SCRIB: variants seen among roughly 807,000 people sequenced by gnomAD.
SCRIB encodes protein scribble homolog.
SCRIB carries 72 observed loss-of-function variants against 170.0 expected under a neutral mutation model. The ratio of observed to expected loss-of-function variants is 0.42; its 90% CI spans 0.35 to 0.52. The LOEUF (loss-of-function observed/expected upper bound fraction) is 0.52. Among genes scored for constraint, SCRIB ranks in the 20% least tolerant of loss-of-function variants. SCRIB has a pLI of 0.02. For synonymous variants in SCRIB, 1,298 were observed against 1,044.3 expected (o/e 1.24, Z -4.68); for missense variants, 2,475 against 2,338.5 (o/e 1.06, Z -1.20).
Position 143,795,323 on chromosome 8 carries a change from A to G in SCRIB, c.3725T>C (p.Leu1242Pro). 1.9e-6 allele frequency: 3 copies of G among 1,612,808 alleles called. No homozygotes were observed. Among genetic ancestry groups the G allele is most frequent in the Non-Finnish European group, 2.5e-6 (3 of 1,179,864 alleles). Residue 1242 changes from leucine to proline, a missense_variant, in exon 26 of 37, where the codon CTG becomes CCG. Leu to Pro is a moderately conservative substitution (Grantham distance 98). Transcript: ENST00000356994. ...SPEGPGKEKE[L>P]PGQTLHWGPE... ...CCCCCAGTGCAGGGTCTGTCCAGGC[A>G]GCTCCTTCTCCTGTGAGCAGAGCAG...
rs776975302 is a variant in SCRIB, at chr8:143,804,140, C to T, written c.3026G>A (p.Arg1009Lys). 1 of 1,610,556 alleles carries T rather than the reference C, an allele frequency of 6.2e-7. No individual in the cohort carries two copies. Among genetic ancestry groups the T allele is most frequent in the African/African-American group, 1.3e-5 (1 of 74,824 alleles). ...PYPVEEIRLP[R>K]AGGPLGLSIV... ...ACTAAGCCCCAGAGGGCCCCCAGCTCTTGGCAGACGGATCTCCTGGGGATT... is the reference window on the plus strand; with the variant it reads ...ACTAAGCCCCAGAGGGCCCCCAGCTTTTGGCAGACGGATCTCCTGGGGATT... The change falls in exon 22 of 37, where the codon AGA becomes AAA. Residue 1009 changes from arginine to lysine, a missense_variant. Arg to Lys is a conservative substitution (Grantham distance 26, BLOSUM62 2). Around this residue, in one of 3 missense-constraint regions of SCRIB, gnomAD observed 1,966 missense variants for 1,742.9 expected, o/e 1.13. Coordinates refer to ENST00000356994, the MANE Select transcript of SCRIB (RefSeq NM_182706.5).
intron 27 of SCRIB, 165 bp from the exon 28 acceptor site, chr8:143,794,127 G>A (rs1814833448): frequency 1.1e-5 from 7 of 629,566 alleles, no homozygotes; most frequent in African/African-American, 1.8e-5. Context: ...GCACGGAGGG[G>A]CTCGTCCCCG....
intron 1 of SCRIB, among the ~76,000 whole-genome samples, chr8:143,814,448 C>T (rs754862223): frequency 1.1e-4 from 17 of 152,166 alleles, no homozygotes; most frequent in Non-Finnish European, 1.8e-4. Flanking sequence ...TGCCACCCTC[C>T]AGGGGCCCAC....
rs1563798204 is a variant in SCRIB, at chr8:143,804,673, A to G, written c.2904T>C (p.Ala968=). ...PLPHSSPPTA[A]VATTSITTAT... ...CAGTGGTTATGCTGGTGGTGGCAACAGCAGCGGTGGGGGGTGAGGAATGTG... is the reference window on the plus strand; with the variant it reads ...CAGTGGTTATGCTGGTGGTGGCAACGGCAGCGGTGGGGGGTGAGGAATGTG... Residue 968 remains alanine, a synonymous_variant, in exon 21 of 37, where the codon GCT becomes GCC. Transcript: ENST00000356994. 1.3e-6 allele frequency: 2 copies of G among 1,553,716 alleles called. No individual in the cohort carries two copies. The highest frequency in any genetic ancestry group is 1.2e-5 in the South Asian group (1 of 81,998).
chr8:143,806,366 G>A (rs1554636548), intron 18 of SCRIB, 41 bp downstream of exon 18: 9 of 1,495,396 alleles, frequency 6.0e-6, no homozygotes, highest in Non-Finnish European at 8.3e-6. Flanking sequence ...TACCTCCAGA[G>A]GGCACAGCTG....
chr8:143,815,009 A>C, intron 1 of SCRIB: 2 of 547,570 alleles, frequency 3.7e-6, no homozygotes, highest in Non-Finnish European at 6.1e-6. Flanking sequence ...CGCTATCCCC[A>C]GGCAAGCACC....
intron 34 of SCRIB, 65 bp from the exon 35 acceptor site, chr8:143,791,805 G>A (rs1345665113): frequency 1.2e-5 from 18 of 1,486,582 alleles, no homozygotes; most frequent in Admixed American, 1.9e-5. Context: ...AGGGCCACGG[G>A]GGTGGGGGCA....
intron 13 of SCRIB, among the ~76,000 whole-genome samples, chr8:143,810,232 G>A (rs979889912): frequency 2.6e-5 from 4 of 151,750 alleles, no homozygotes; most frequent in African/African-American, 7.3e-5. Context: ...GTGCTCCCAG[G>A]CACACCCACC....
intron 18 of SCRIB, 113 bp downstream of exon 18, chr8:143,806,294 T>C: frequency 1.2e-6 from 1 of 815,234 alleles, no homozygotes; most frequent in Non-Finnish European, 2.0e-6. Flanking sequence ...GGGTGTCCTG[T>C]GCTTGGAACT....
intron 15 of SCRIB, among the ~76,000 whole-genome samples, chr8:143,808,318 G>A (rs2130105589): frequency 6.6e-6 from 1 of 152,258 alleles, no homozygotes; most frequent in Non-Finnish European, 1.5e-5. Flanking sequence ...CAGGCCTGGG[G>A]TCCAAGCATG....
In SCRIB at chr8:143,815,546, G is replaced by T. The variant is rs1816053930; in HGVS notation, c.-174C>A. 1.0e-6 allele frequency: 1 copy of T among 980,298 alleles called. No individual in the cohort carries two copies. The highest frequency in any genetic ancestry group is 1.8e-5 in the African/African-American group (1 of 56,400). 60.7% of individuals were successfully genotyped at this position (980,298 alleles called of 1,614,324 possible). ...CCGGCGCTGGGCCCGGCCCGCGCTC[G>T]GAACGCTCGGACTGCGGGCCTGGGC... On this transcript the variant is annotated 5_prime_UTR_variant, in exon 1 of 37. Transcript: ENST00000356994.
chr8:143,803,264 A>G lies in SCRIB; in HGVS notation c.3603+119T>C, dbSNP rs917148038. On this transcript the variant is annotated intron_variant, in intron 24 of 36. Coordinates refer to ENST00000356994, the MANE Select transcript of SCRIB (RefSeq NM_182706.5). ...CCGCACGGCTGATGCAGAGCCGCAG[A>G]GCACCGCCCAGACCCAGAGGCACAG... The G allele has an allele frequency of 1.3e-4, 122 of 964,270 alleles. No homozygotes were observed. The East Asian group carries it at 3.2e-3, about 25-fold the overall frequency. The allele number at this position is 964,270 out of a possible 1,614,324, so 59.7% of individuals were successfully genotyped here.
chr8:143,812,600 TCA>T (rs930146514), intron 8 of SCRIB, among the ~76,000 whole-genome samples: 1 of 151,994 alleles, frequency 6.6e-6, no homozygotes, highest in Non-Finnish European at 1.5e-5. Context: ...CCTTCCGCCC[TCA>T]CAGACTCCAC....
chr8:143,814,647 C>T (rs927972570), intron 1 of SCRIB, among the ~76,000 whole-genome samples: 4 of 152,230 alleles, frequency 2.6e-5, no homozygotes, highest in East Asian at 1.9e-4. Context: ...GACACCCAAC[C>T]CCTAGGTACT....
intron 24 of SCRIB, among the ~76,000 whole-genome samples, chr8:143,803,180 C>T (rs1308177417): frequency 1.3e-5 from 2 of 152,116 alleles, no homozygotes; most frequent in Non-Finnish European, 2.9e-5. Context: ...CTGGACAGCT[C>T]GATGAGCCGG....
At position 143,803,537 on chromosome 8, in the gene SCRIB, C is replaced by T. The variant is rs200655023; in HGVS notation, c.3449G>A (p.Arg1150Gln). The change falls in exon 24 of 37, where the codon CGG (arginine) becomes CAG (glutamine). Residue 1150 changes from arginine to glutamine, a missense_variant. By Grantham distance (43) the Arg-to-Gln change is conservative. This residue lies in a region of SCRIB where 1,966 missense variants were observed against 1,742.9 expected (regional missense o/e 1.13). Transcript: ENST00000356994. Reference protein sequence around the residue: ...SPTGAAGRDGRLRVGLRLLEV... With the variant: ...SPTGAAGRDGQLRVGLRLLEV... ...CAACAGCCGCAAACCCACACGCAGC[C>T]GACCGTCGCGCCCGGCTGCCCCCGT... 129 of 1,604,074 alleles carry T rather than the reference C, an allele frequency of 8.0e-5. No individual in the cohort carries two copies. The highest frequency in any genetic ancestry group is 1.7e-4 in the Middle Eastern group (1 of 5,980).
chr8:143,796,503 C>T (rs933497947), intron 24 of SCRIB, among the ~76,000 whole-genome samples: 2 of 151,956 alleles, frequency 1.3e-5, no homozygotes, highest in African/African-American at 2.4e-5. Context: ...CTGCTCAGGC[C>T]GGGGGAGAAA....
Position 143,805,210 on chromosome 8 carries a change from G to C in SCRIB, c.2572C>G (p.Arg858Gly). ...GCCAGGCAGGCCACGTGGCGCTGAC[G>C]GAGGGGCCCGGGGCTCTCAGGCGGG... ...LLPPESPGPL[R>G]QRHVACLARS... The change falls in exon 19 of 37, where the codon CGT becomes GGT. Residue 858 changes from arginine to glycine, a missense_variant. By Grantham distance (125) the Arg-to-Gly change is moderately radical (BLOSUM62 -2). Around this residue, in one of 3 missense-constraint regions of SCRIB, gnomAD observed 1,966 missense variants for 1,742.9 expected, o/e 1.13. Transcript: ENST00000356994. The C allele has an allele frequency of 6.4e-7, 1 of 1,558,242 alleles. No individual in the cohort carries two copies. The highest frequency in any genetic ancestry group is 8.7e-7 in the Non-Finnish European group (1 of 1,155,784).
At chr8:143,810,633 C>T in intron 12 of SCRIB, 29 bp from the exon 13 acceptor site, 1 of 1,607,950 alleles carries the variant, frequency 6.2e-7, no homozygotes, top group Non-Finnish European at 8.5e-7. Flanking sequence ...TGAGCAGCAG[C>T]CACAGGGCAG....
Sources: allele counts gnomAD v4.1 joint callset (sites outside exome capture counted in the v4.1 genomes callset), GRCh38; gene constraint gnomAD v4.1.1; regional missense constraint gnomAD v4.1.1; transcripts MANE v1.5; gene names NCBI Gene and HGNC (gene_info 2026-07-23, HGNC 2026-07-21).